The following PLXNA4 variants were observed in gnomAD, a reference collection of about 807,000 sequenced individuals.
PLXNA4 encodes plexin A4, also known as plexin-A4.
PLXNA4 carries 44 observed loss-of-function variants against 191.8 expected under a neutral mutation model. The observed-to-expected ratio is 0.23, with a 90% confidence interval of 0.18 to 0.29. The LOEUF (loss-of-function observed/expected upper bound fraction) is 0.29. PLXNA4 is among the 10% of genes least tolerant of loss of function. PLXNA4 has a pLI of 1.00. For missense variants in PLXNA4, 1,800 were observed against 2,488.8 expected (o/e 0.72, Z 5.89); for synonymous variants, 1,082 against 1,009.5 (o/e 1.07, Z -1.36).
chr7:132,603,277 G>T (rs1802855488), intron 2 of PLXNA4, among the ~76,000 whole-genome samples: 1 of 94,944 alleles, frequency 1.1e-5, no homozygotes, highest in South Asian at 5.6e-4. Flanking sequence ...GGACTGCAGA[G>T]ATTAAGGTGG....
At position 132,202,820 on chromosome 7, in the gene PLXNA4, A is replaced by G; in HGVS notation, c.2412T>C (p.Cys804=). The change falls in exon 12 of 32, where the codon TGT becomes TGC. Residue 804 remains cysteine (C), a synonymous_variant. Coordinates refer to ENST00000321063, the MANE Select transcript of PLXNA4 (RefSeq NM_020911.2). ...PAQNKVHLYK[C]GAMRESCGLC... is the part of the protein sequence containing the mutation. ...GCCCGCAGCTCTCACGCATGGCTCC[A>G]CACTTGTAGAGGTGAACTGCAGAGG... 1.3e-6 allele frequency: 2 copies of G among 1,593,006 alleles called. No individual in the cohort carries two copies. Among genetic ancestry groups the G allele is most frequent in the South Asian group, 2.3e-5 (2 of 86,948 alleles).
rs1804224387 is a variant in PLXNA4 at position 132,367,266 on chromosome 7, G to A, written c.1372-69044C>T. The stretch of plus-strand genomic sequence containing the variant: ...TGGGCTGGGCTGTGGTGGCCACACA[G>A]ATCCCTTGCCTAGATCCAGAGCCTG... On this transcript the variant is annotated intron_variant, in intron 3 of 31. Transcript: ENST00000321063. Among the ~76,000 whole-genome samples, 3 of 152,200 alleles carry A rather than the reference G, an allele frequency of 2.0e-5. No individual in the cohort carries two copies. In the South Asian group the frequency reaches 6.2e-4, roughly 32 times the overall value.
intron 3 of PLXNA4, among the ~76,000 whole-genome samples, chr7:132,362,334 C>A (rs1431449616): frequency 6.6e-6 from 1 of 152,210 alleles, no homozygotes; most frequent in Non-Finnish European, 1.5e-5. Context: ...TAAGACAAGA[C>A]CATAAGCACT....
At chr7:132,455,668 G>T (rs779034842) in intron 3 of PLXNA4, among the ~76,000 whole-genome samples, 1 of 152,074 alleles carries the variant, frequency 6.6e-6, no homozygotes, top group African/African-American at 2.4e-5. Context: ...TCTGGGCTTC[G>T]AAATTGTGCA....
intron 1 of PLXNA4, among the ~76,000 whole-genome samples, chr7:132,648,310 C>T (rs1028331110): frequency 6.6e-6 from 1 of 152,226 alleles, no homozygotes; most frequent in Non-Finnish European, 1.5e-5. Context: ...TAGTGACTTA[C>T]AGAACCTTCC....
intron 27 of PLXNA4, among the ~76,000 whole-genome samples, chr7:132,147,078 G>A (rs919138974): frequency 7.9e-5 from 12 of 152,204 alleles, no homozygotes; most frequent in Admixed American, 2.6e-4. Context: ...ATACTTAAGA[G>A]CAGGTAGCCT....
chr7:132,325,176 C>T (rs948288979), intron 3 of PLXNA4, among the ~76,000 whole-genome samples: 9 of 152,182 alleles, frequency 5.9e-5, no homozygotes, highest in Non-Finnish European at 1.3e-4. Flanking sequence ...TTTTACCACC[C>T]AACTGTTCAA....
At chr7:132,194,653 C>T (rs1474468154) in intron 13 of PLXNA4, among the ~76,000 whole-genome samples, 1 of 152,142 alleles carries the variant, frequency 6.6e-6, no homozygotes, top group Admixed American at 6.5e-5. Context: ...CAGTGAAGTG[C>T]TTTTGCTTCC....
At position 132,305,361 on chromosome 7, in the gene PLXNA4, AACACACAC is replaced by A. The variant is rs57158164; in HGVS notation, c.1372-7147_1372-7140del. Among the ~76,000 whole-genome samples, 610 of 131,130 alleles carry A rather than the reference AACACACAC, an allele frequency of 4.7e-3. 2 individuals carry two copies. The highest frequency in any genetic ancestry group is 9.2e-3 in the Admixed American group (124 of 13,428). The allele number at this position is 131,130 out of a possible 152,430, so 86.0% of individuals were successfully genotyped here. A position where few individuals can be genotyped will look rare whatever the true frequency, so the allele number is the denominator to read the frequency against. The stretch of plus-strand genomic sequence containing the variant: ...TCCACACTACATGCAGCTTACCAAG[AACACACAC>A]ACACACACACACACACACACACACA... On this transcript the variant is annotated intron_variant, in intron 3 of 31. Transcript: ENST00000321063.
intron 1 of PLXNA4, among the ~76,000 whole-genome samples, chr7:132,565,396 C>T (rs756226314): frequency 5.9e-5 from 9 of 152,098 alleles, no homozygotes; most frequent in Admixed American, 5.2e-4. Context: ...CAGGAGGAAA[C>T]AAAAATAGGC....
intron 5 of PLXNA4, among the ~76,000 whole-genome samples, chr7:132,231,011 G>A (rs1798506613): frequency 6.6e-6 from 1 of 152,174 alleles, no homozygotes; most frequent in Non-Finnish European, 1.5e-5. Context: ...TGCATTGCTT[G>A]CTGCTTCCAA....
intron 2 of PLXNA4, among the ~76,000 whole-genome samples, chr7:132,593,419 A>G (rs4731882): frequency 0.98 from 149,954 of 152,344 alleles, 73,848 homozygotes; most frequent in East Asian, 1. Flanking sequence ...CCAGGTAAGC[A>G]GTGACACCCT....
At chr7:132,459,698 C>A (rs762992534) in intron 3 of PLXNA4, among the ~76,000 whole-genome samples, 4 of 152,148 alleles carry the variant, frequency 2.6e-5, no homozygotes, top group Non-Finnish European at 5.9e-5. Context: ...GAAGAGAAAT[C>A]TGTTGGTGGT....
At chr7:132,187,701 C>T in intron 14 of PLXNA4, 94 bp from the exon 15 acceptor site, 1 of 1,471,194 alleles carries the variant, frequency 6.8e-7, no homozygotes, top group Non-Finnish European at 9.0e-7. Flanking sequence ...CCCCAAGCTG[C>T]CTTCTGGAAT....
chr7:132,227,954 C>T (rs1798386220), intron 6 of PLXNA4, among the ~76,000 whole-genome samples: 1 of 152,148 alleles, frequency 6.6e-6, no homozygotes, highest in Admixed American at 6.5e-5. Flanking sequence ...AATAGAAACA[C>T]CAACCACCAA....
chr7:132,223,709 T>C (rs2290232), intron 8 of PLXNA4, 68 bp from the exon 9 acceptor site: 485,743 of 1,254,500 alleles, frequency 0.39, 98,754 homozygotes, highest in East Asian at 0.62. Context: ...GGCTTGAGTC[T>C]CTATGGTCTA....
At chr7:132,252,369 T>G (rs543684179) in intron 4 of PLXNA4, among the ~76,000 whole-genome samples, 1 of 136,694 alleles carries the variant, frequency 7.3e-6, no homozygotes, top group East Asian at 2.3e-4. Context: ...TGGAGTGCAG[T>G]GGTGTGATTG....
intron 1 of PLXNA4, among the ~76,000 whole-genome samples, chr7:132,561,513 C>G (rs1801062835): frequency 7.5e-6 from 1 of 133,086 alleles, no homozygotes; most frequent in Non-Finnish European, 1.6e-5. Context: ...ACCTCCTCCT[C>G]CTCCTTCTCC....
intron 1 of PLXNA4, among the ~76,000 whole-genome samples, chr7:132,548,453 G>A (rs1415000978): frequency 6.6e-6 from 1 of 152,130 alleles, no homozygotes; most frequent in African/African-American, 2.4e-5. Context: ...GGACATGGAG[G>A]TAGACAACAC....
Sources: gnomAD v4.1 joint callset for allele counts (sites outside exome capture counted in the v4.1 genomes callset) on GRCh38, gnomAD v4.1.1 for gene constraint, MANE v1.5 for transcripts, NCBI Gene and HGNC (gene_info 2026-07-23, HGNC 2026-07-21) for gene names.